ARHGDIB: variants seen among roughly 807,000 people sequenced by gnomAD.
ARHGDIB encodes Rho GDP dissociation inhibitor beta, also known as rho GDP-dissociation inhibitor 2.
ARHGDIB carries 20 observed loss-of-function variants against 22.6 expected under a neutral mutation model. That is an observed-to-expected ratio of 0.88 (90% CI 0.62 to 1.28). The LOEUF (loss-of-function observed/expected upper bound fraction) is 1.28, where lower values mean the gene tolerates loss of function less well. ARHGDIB is among the 50% of genes most tolerant of loss of function. The pLI, the probability that ARHGDIB is intolerant of heterozygous loss-of-function variation, is 0.00. For missense variants in ARHGDIB, 254 were observed against 245.4 expected, an observed-to-expected ratio of 1.04 and a Z score of -0.23; for synonymous variants, 114 against 96.1, an observed-to-expected ratio of 1.19 and a Z score of -1.09.
intron 2 of ARHGDIB, 82 bp downstream of exon 2, chr12:14,950,450 T>C (rs1864140877): frequency 7.6e-7 from 1 of 1,320,602 alleles, no homozygotes; most frequent in South Asian, 1.4e-5. Context: ...TCCTCTTCCC[T>C]TTGCTGCTGC....
At chr12:14,955,102 A>AT (rs2120748010) in intron 1 of ARHGDIB, among the ~76,000 whole-genome samples, 1 of 152,294 alleles carries the variant, frequency 6.6e-6, no homozygotes, top group African/African-American at 2.4e-5. Flanking sequence ...AGGTCTTTGC[A>AT]TAATAAAGGG....
intron 3 of ARHGDIB, 50 bp downstream of exon 3, chr12:14,949,752 C>A: frequency 6.4e-7 from 1 of 1,574,452 alleles, no homozygotes; most frequent in South Asian, 1.1e-5. Context: ...ACCAAGTTTT[C>A]TTTGTGATAT....
At chr12:14,947,476 T>C (rs1407320015) in intron 4 of ARHGDIB, among the ~76,000 whole-genome samples, 1 of 152,200 alleles carries the variant, frequency 6.6e-6, no homozygotes, top group Admixed American at 6.5e-5. Context: ...TCATGAACTA[T>C]ATGCTATTTA....
chr12:14,946,280 A>G (rs1484754775), intron 4 of ARHGDIB, among the ~76,000 whole-genome samples: 2 of 152,190 alleles, frequency 1.3e-5, no homozygotes, highest in East Asian at 3.8e-4. Context: ...GTTGGGAAGA[A>G]CCTAAAATAA....
chr12:14,952,293 A>AG (rs1555103954), intron 1 of ARHGDIB, among the ~76,000 whole-genome samples: 93 of 151,356 alleles, frequency 6.1e-4, no homozygotes, highest in Admixed American at 2.0e-3. Flanking sequence ...AAAAAAAAAA[A>AG]AGAGAAACAA....
In ARHGDIB at chr12:14,949,785, C is replaced by T. The variant is rs1864123047; in HGVS notation, c.265+17G>A. 3.1e-6 allele frequency: 5 copies of T among 1,611,908 alleles called. No homozygotes were observed. Among genetic ancestry groups the T allele is most frequent in the Non-Finnish European group, 4.2e-6 (5 of 1,178,282 alleles). On this transcript the variant is annotated intron_variant, in intron 3 of 5. Transcript: ENST00000228945. ...TATCTTAGGCCCCCTTTGAACAGTA[C>T]AGATGTGTCTACATACCAGTAAGGT...
chr12:14,947,991 A>G (rs753667717), intron 3 of ARHGDIB, 42 bp from the exon 4 acceptor site: 2 of 1,525,184 alleles, frequency 1.3e-6, no homozygotes, highest in Admixed American at 3.4e-5. Flanking sequence ...TCAAAAGCAG[A>G]TACACAAGTT....
chr12:14,954,701 A>C (rs915791597), intron 1 of ARHGDIB, among the ~76,000 whole-genome samples: 2 of 152,340 alleles, frequency 1.3e-5, no homozygotes, highest in Admixed American at 6.5e-5. Context: ...CCTGACCTGC[A>C]GTCATGGGTC....
intron 1 of ARHGDIB, among the ~76,000 whole-genome samples, chr12:14,953,853 CTCTT>C (rs1324023577): frequency 2.0e-5 from 3 of 151,686 alleles, no homozygotes; most frequent in Admixed American, 1.3e-4. Flanking sequence ...CTCTTTCTCT[CTCTT>C]TCTCTCTTTC....
intron 5 of ARHGDIB, 148 bp from the exon 6 acceptor site, chr12:14,942,869 C>CG: frequency 2.6e-5 from 17 of 652,800 alleles, no homozygotes; most frequent in Non-Finnish European, 3.5e-5. Flanking sequence ...TTACCTGAGG[C>CG]ATCTTTTTTT....
chr12:14,958,365 A>G (rs1349758181), intron 1 of ARHGDIB, among the ~76,000 whole-genome samples: 1 of 152,250 alleles, frequency 6.6e-6, no homozygotes, highest in African/African-American at 2.4e-5. Flanking sequence ...ATTATTTTGT[A>G]AGAGACAATA....
intron 1 of ARHGDIB, among the ~76,000 whole-genome samples, chr12:14,958,972 C>A (rs1273533001): frequency 1.3e-5 from 2 of 152,168 alleles, no homozygotes; most frequent in Non-Finnish European, 2.9e-5. Context: ...GGAATAAGAA[C>A]TCTCAAAATA....
Position 14,958,716 on chromosome 12 carries a change from AT to A in ARHGDIB, c.-13+2820del, listed in dbSNP as rs551839472. 9.0e-4 allele frequency among the ~76,000 whole-genome samples: 137 copies of A among 152,232 alleles called. 1 individual carries two copies. The highest frequency in any genetic ancestry group is 3.2e-3 in the African/African-American group (131 of 41,530). On this transcript the variant is annotated intron_variant, in intron 1 of 5. Transcript: ENST00000228945. ...AAAAGTTAGACAGAATTGAGAGAGA[AT>A]TTTTTTTATGACCGTTTGTGCTAAG... is the stretch of plus-strand genomic sequence containing the variant.
At chr12:14,947,477 A>T (rs750047533) in intron 4 of ARHGDIB, among the ~76,000 whole-genome samples, 5 of 152,208 alleles carry the variant, frequency 3.3e-5, no homozygotes, top group Admixed American at 2.0e-4. Context: ...CATGAACTAT[A>T]TGCTATTTAC....
intron 1 of ARHGDIB, among the ~76,000 whole-genome samples, chr12:14,952,865 C>T (rs1437558405): frequency 6.6e-6 from 1 of 152,162 alleles, no homozygotes; most frequent in Non-Finnish European, 1.5e-5. Flanking sequence ...GAAACCTGGC[C>T]ATCAGATGGT....
chr12:14,949,106 T>C (rs3748298), intron 3 of ARHGDIB, among the ~76,000 whole-genome samples: 69,577 of 151,460 alleles, frequency 0.46, 16,803 homozygotes, highest in Non-Finnish European at 0.55. Context: ...ATTTTTTTTT[T>C]CCACTAAAAA....
rs769061229 is a variant in ARHGDIB at position 14,950,492 on chromosome 12, C to A, written c.181+40G>T. 9.7e-6 allele frequency: 15 copies of A among 1,552,054 alleles called. No individual in the cohort carries two copies. The African/African-American group carries it at 2.1e-4, about 21-fold the overall frequency. ...GCAGCCAAAATGTCTTCTTCCCTCTCAGCGATCTTCCACCCACCCTGTTCT... is the reference window on the plus strand; with the variant it reads ...GCAGCCAAAATGTCTTCTTCCCTCTAAGCGATCTTCCACCCACCCTGTTCT... On this transcript the variant is annotated intron_variant, in intron 2 of 5. Transcript: ENST00000228945.
intron 3 of ARHGDIB, 150 bp from the exon 4 acceptor site, chr12:14,948,099 T>TGCGCGCGC (rs367794422): frequency 1.7e-4 from 54 of 309,918 alleles, no homozygotes; most frequent in East Asian, 6.7e-4. Flanking sequence ...GTTTAGTCCT[T>TGCGCGCGC]GCACACACAC....
At chr12:14,955,606 G>GTAAAA (rs1368210673) in intron 1 of ARHGDIB, among the ~76,000 whole-genome samples, 2 of 152,062 alleles carry the variant, frequency 1.3e-5, no homozygotes, top group Non-Finnish European at 2.9e-5. Flanking sequence ...CAAAACTCAA[G>GTAAAA]TACAATACAA....
Sources: gnomAD v4.1 joint callset for allele counts (sites outside exome capture counted in the v4.1 genomes callset) on GRCh38, gnomAD v4.1.1 for gene constraint, MANE v1.5 for transcripts, NCBI Gene and HGNC (gene_info 2026-07-23, HGNC 2026-07-21) for gene names.